Variants in CIB1 observed in about 807,000 individuals in gnomAD.
The protein encoded by CIB1 is calcium and integrin binding 1.
A neutral mutation model predicts 25.0 loss-of-function variants in CIB1; 19 were observed. The observed-to-expected ratio is 0.76, with a 90% CI of 0.53 to 1.12. The LOEUF (loss-of-function observed/expected upper bound fraction) is 1.12, where lower values mean the gene tolerates loss of function less well. CIB1 is among the 50% of genes most tolerant of loss of function. The probability of loss-of-function intolerance (pLI) is 0.00; values close to 1 mark genes in which losing one functional copy is unlikely to be tolerated. For missense variants in CIB1, 236 were observed against 242.6 expected (o/e 0.97, Z 0.18); for synonymous variants, 104 against 98.5 (o/e 1.06, Z -0.33).
chr15:90,241,539 T>G, the CIB1 span: 1 of 1,613,414 alleles, frequency 6.2e-7, no homozygotes, highest in African/African-American at 1.3e-5. Context: ...CCTGGGAGGC[T>G]TGGCCTCGGT....
chr15:90,256,593 C>CTTTCTTTCTTTCTT, the CIB1 span, among the ~76,000 whole-genome samples: 55 of 39,056 alleles, frequency 1.4e-3, 1 homozygote, highest in Non-Finnish European at 2.6e-3. Flanking sequence ...TTCTTTCTTT[C>CTTTCTTTCTTTCTT]TTTCTTTCTT....
chr15:90,240,734 AC>A, the CIB1 span, among the ~76,000 whole-genome samples: 1 of 151,758 alleles, frequency 6.6e-6, no homozygotes, highest in Admixed American at 6.6e-5. Context: ...AACCGCTTGA[AC>A]CCAGGAGGCG....
At chr15:90,263,131 C>A in the CIB1 span, 4 of 1,522,612 alleles carry the variant, frequency 2.6e-6, no homozygotes, top group Non-Finnish European at 3.5e-6. Context: ...CCAGAAAAAA[C>A]TTCATGAGAG....
chr15:90,235,222 G>T (rs139482920), upstream of CIB1, among the ~76,000 whole-genome samples: 260 of 152,248 alleles, frequency 1.7e-3, 2 homozygotes, highest in African/African-American at 5.9e-3. Flanking sequence ...CTCCTTGGCA[G>T]CATGTGTTTG....
chr15:90,233,930 G>A lies in CIB1; in HGVS notation c.-45C>T. ...CTCCGCCAACTCGCCTCGAGACGCA[G>A]ACAACTTTCTCACTTCCGCCCTTGG... On this transcript the variant is annotated 5_prime_UTR_variant, in exon 1 of 7. Transcript: ENST00000328649. 6.9e-7 allele frequency: 1 copy of A among 1,445,842 alleles called. No individual in the cohort carries two copies. Among genetic ancestry groups the A allele is most frequent in the South Asian group, 1.5e-5 (1 of 68,840 alleles). 89.6% of individuals were successfully genotyped at this position (1,445,842 alleles called of 1,614,324 possible).
chr15:90,235,690 C>G (rs577080042), upstream of CIB1, among the ~76,000 whole-genome samples: 1 of 151,864 alleles, frequency 6.6e-6, no homozygotes, highest in Non-Finnish European at 1.5e-5. Flanking sequence ...ACCTTAGCCT[C>G]CCCAGCAGCT....
upstream of CIB1, among the ~76,000 whole-genome samples, chr15:90,238,254 C>T (rs138229558): frequency 2.7e-3 from 418 of 152,218 alleles, 11 homozygotes; most frequent in Admixed American, 0.024. Flanking sequence ...GAGCCAAGAT[C>T]GTGCCACTGC....
the CIB1 span, chr15:90,257,221 T>G: frequency 6.2e-7 from 1 of 1,613,406 alleles, no homozygotes; most frequent in Non-Finnish European, 8.5e-7. Context: ...TCTTCACATA[T>G]GAGGAGGGCC....
At chr15:90,234,288 C>T (rs986158066), upstream of CIB1, 65 of 177,914 alleles carry the variant, frequency 3.7e-4, no homozygotes, top group Non-Finnish European at 4.5e-4. Context: ...TCCGCTTCGG[C>T]TGCAGTAGGT....
At chr15:90,231,543 C>T (rs1384703716) in intron 3 of CIB1, 36 bp from the exon 4 acceptor site, 15 of 1,604,960 alleles carry the variant, frequency 9.3e-6, no homozygotes, top group Admixed American at 3.4e-5. Context: ...TGGCCCAGGT[C>T]ACACGCTCAT....
At chr15:90,252,900 C>G in the CIB1 span, among the ~76,000 whole-genome samples, 110,872 of 152,030 alleles carry the variant, frequency 0.73, 41,226 homozygotes, top group African/African-American at 0.88. Context: ...CTATTGGGGA[C>G]GCTGAGGCAC....
chr15:90,246,868 C>T, the CIB1 span, among the ~76,000 whole-genome samples: 1 of 139,508 alleles, frequency 7.2e-6, no homozygotes, highest in East Asian at 2.2e-4. Context: ...AAATGGTGGT[C>T]GAGGTCCTAG....
the CIB1 span, among the ~76,000 whole-genome samples, chr15:90,246,289 AC>A: frequency 2.0e-5 from 3 of 151,870 alleles, no homozygotes; most frequent in Admixed American, 2.0e-4. Flanking sequence ...AAAATACAAA[AC>A]AAAAAACGAT....
chr15:90,232,438 G>C lies in CIB1; in HGVS notation c.87-111C>G. Reference sequence around the variant, plus strand: ...CAACCAGGTGAGGAGCTAAAACCACGTACACAGAACTTCCGAGTCATCAGG... The same window carrying C: ...CAACCAGGTGAGGAGCTAAAACCACCTACACAGAACTTCCGAGTCATCAGG... On this transcript the variant is annotated intron_variant, in intron 2 of 6. Coordinates refer to ENST00000328649, the MANE Select transcript of CIB1 (RefSeq NM_006384.4). The C allele has an allele frequency of 6.9e-7, 1 of 1,439,720 alleles. No individual in the cohort carries two copies. Among genetic ancestry groups the C allele is most frequent in the Non-Finnish European group, 9.1e-7 (1 of 1,095,306 alleles). The allele number at this position is 1,439,720 out of a possible 1,614,324, so 89.2% of individuals were successfully genotyped here. A position where few individuals can be genotyped will look rare whatever the true frequency, so the allele number is the denominator to read the frequency against.
the CIB1 span, among the ~76,000 whole-genome samples, chr15:90,239,576 A>G: frequency 1.3e-5 from 2 of 152,302 alleles, no homozygotes; most frequent in Non-Finnish European, 2.9e-5. Flanking sequence ...AGAACTCACT[A>G]TCACGAGAAC....
Position 90,231,150 on chromosome 15 carries a change from C to CCCGTGAGGCAGTTCACCAG in CIB1, c.391_409dup (p.Gly137AlafsTer15), listed in dbSNP as rs768388996. 1 of 1,614,222 alleles carries CCCGTGAGGCAGTTCACCAG rather than the reference C, an allele frequency of 6.2e-7. No homozygotes were observed. Among genetic ancestry groups the CCCGTGAGGCAGTTCACCAG allele is most frequent in the South Asian group, 1.1e-5 (1 of 91,086 alleles). Reference sequence around the variant, plus strand: ...ACTAAGCCGTGTGTCCTCGCCCTCTCCCGTGAGGCAGTTCACCAGCCGGCT... The same window carrying CCCGTGAGGCAGTTCACCAG: ...ACTAAGCCGTGTGTCCTCGCCCTCTCCCGTGAGGCAGTTCACCAGCCGTGAGGCAGTTCACCAGCCGGCT... On this transcript the variant is annotated frameshift_variant, in exon 5 of 7. Transcript: ENST00000328649. LOFTEE classifies it high-confidence loss of function.
At chr15:90,258,837 G>C in the CIB1 span, 4 of 1,614,150 alleles carry the variant, frequency 2.5e-6, no homozygotes, top group Non-Finnish European at 3.4e-6. Context: ...GTCAACCTCC[G>C]GGGCTGTGAC....
At chr15:90,262,033 GGCAAT>G in the CIB1 span, 2 of 1,535,384 alleles carry the variant, frequency 1.3e-6, no homozygotes, top group South Asian at 2.4e-5. Context: ...CATCCCATGT[GGCAAT>G]GCTGGACCAG....
chr15:90,235,228 G>A (rs1023043171), upstream of CIB1, among the ~76,000 whole-genome samples: 1 of 152,156 alleles, frequency 6.6e-6, no homozygotes, highest in Admixed American at 6.6e-5. Context: ...GGCAGCATGT[G>A]TTTGATAAGA....
Sources: allele counts gnomAD v4.1 joint callset (sites outside exome capture counted in the v4.1 genomes callset), GRCh38; gene constraint gnomAD v4.1.1; transcripts MANE v1.5; gene names NCBI Gene and HGNC (gene_info 2026-07-23, HGNC 2026-07-21).